ANK3: variants seen among roughly 807,000 people sequenced by gnomAD.
ANK3 encodes ankyrin 3.
A neutral mutation model predicts 370.9 loss-of-function variants in ANK3; 57 were observed. That is an observed-to-expected ratio of 0.15 (90% CI 0.12 to 0.19). The LOEUF (loss-of-function observed/expected upper bound fraction) is 0.19, where lower values mean the gene tolerates loss of function less well. Among genes scored for constraint, ANK3 ranks in the 10% least tolerant of loss-of-function variants. The pLI is 1.00. For missense variants in ANK3, 4,439 were observed against 5,302.1 expected (o/e 0.84, Z 5.06); for synonymous variants, 1,929 against 1,946.3 (o/e 0.99, Z 0.23).
In ANK3 at chr10:60,070,081, G is replaced by A. The variant is rs781626727; in HGVS notation, c.10800C>T (p.Pro3600=). ...ACATTTTTCCTTCATGAAATGGGAA[G>A]GGGTTAGGCTCACTAGTTGGGGTAC... ...DESTPTSEPN[P]FPFHEGKMFE... is the part of the protein sequence containing the mutation. The change falls in exon 37 of 44, where the codon CCC becomes CCT. Residue 3600 remains proline (P), a synonymous_variant. Transcript: ENST00000280772. The surrounding 1 kb of genome is among the most constrained non-coding windows in gnomAD (Gnocchi z 5.7). 12 of 1,614,020 alleles carry A rather than the reference G, an allele frequency of 7.4e-6. No homozygotes were observed. Among genetic ancestry groups the A allele is most frequent in the Non-Finnish European group, 1.0e-5 (12 of 1,180,008 alleles).
At chr10:60,198,682 C>T (rs1465623298) in intron 13 of ANK3, 145 bp from the exon 14 acceptor site, 1 of 687,180 alleles carries the variant, frequency 1.5e-6, no homozygotes, top group African/African-American at 1.8e-5. Context: ...TTGTCTTTTT[C>T]TTCAATGCTC....
intron 2 of ANK3, among the ~76,000 whole-genome samples, chr10:60,558,346 A>T (rs116277179): frequency 6.6e-6 from 1 of 152,206 alleles, no homozygotes; most frequent in Non-Finnish European, 1.5e-5. Flanking sequence ...GATTGTAACA[A>T]CTTGAAGTAG....
At chr10:60,609,397 C>T (rs1358912862) in intron 2 of ANK3, among the ~76,000 whole-genome samples, 1 of 152,242 alleles carries the variant, frequency 6.6e-6, no homozygotes, top group Non-Finnish European at 1.5e-5. Flanking sequence ...GTTAGGACCA[C>T]AACTTCCATC....
At chr10:60,202,683 G>C (rs10994252) in intron 12 of ANK3, among the ~76,000 whole-genome samples, 17,983 of 152,180 alleles carry the variant, frequency 0.12, 1,305 homozygotes, top group East Asian at 0.29. Flanking sequence ...AGCGCAGGAG[G>C]ATTGCTTGAA....
chr10:60,047,100 C>A (rs1244862542), intron 42 of ANK3, among the ~76,000 whole-genome samples: 4 of 152,192 alleles, frequency 2.6e-5, no homozygotes, highest in Admixed American at 2.6e-4. Context: ...AGCCACCGCG[C>A]CCGGCCTCAA....
At chr10:60,660,924 A>T (rs992471514) in intron 1 of ANK3, among the ~76,000 whole-genome samples, 1 of 152,036 alleles carries the variant, frequency 6.6e-6, no homozygotes, top group Non-Finnish European at 1.5e-5. Flanking sequence ...ACACTCACAC[A>T]CACACACACA....
intron 18 of ANK3, 142 bp downstream of exon 18, chr10:60,181,187 C>T (rs1461971881): frequency 1.2e-6 from 1 of 836,884 alleles, no homozygotes; most frequent in Non-Finnish European, 1.9e-6. Flanking sequence ...TTTAGTGTCC[C>T]TTGCATAAAT....
At chr10:60,477,192 C>A (rs1393115393) in intron 2 of ANK3, among the ~76,000 whole-genome samples, 1 of 151,896 alleles carries the variant, frequency 6.6e-6, no homozygotes, top group African/African-American at 2.4e-5. Context: ...AAATTAACAT[C>A]TTTCTGGAGA....
At chr10:60,554,214 T>C (rs1373387787) in intron 2 of ANK3, among the ~76,000 whole-genome samples, 4 of 152,198 alleles carry the variant, frequency 2.6e-5, no homozygotes, top group Non-Finnish European at 5.9e-5. Flanking sequence ...TTTTATTTTT[T>C]TCATGTATTA....
At chr10:60,690,353 G>A (rs997874030) in intron 1 of ANK3, among the ~76,000 whole-genome samples, 8 of 152,048 alleles carry the variant, frequency 5.3e-5, no homozygotes, top group East Asian at 1.9e-4. Context: ...TTGACAAGAC[G>A]GTTCCTGGAA....
At chr10:60,285,936 C>A (rs1047617905) in intron 1 of ANK3, among the ~76,000 whole-genome samples, 11 of 152,138 alleles carry the variant, frequency 7.2e-5, no homozygotes, top group African/African-American at 2.7e-4. Flanking sequence ...TCTTCACTCT[C>A]TCCCTCAAAC....
chr10:60,166,657 C>A lies in ANK3; in HGVS notation c.2552-4G>T. The A allele has an allele frequency of 6.2e-7, 1 of 1,613,448 alleles. No homozygotes were observed. The highest frequency in any genetic ancestry group is 8.5e-7 in the Non-Finnish European group (1 of 1,179,542). On this transcript the variant is annotated splice_region_variant and splice_polypyrimidine_tract_variant and intron_variant, in intron 22 of 43. Transcript: ENST00000280772. ...TCAGGGGCATTGGCTTTACGAACTG[C>A]ATGATTGAAGTGAACAATATAAGTG...
chr10:60,562,992 T>C (rs755448150), intron 2 of ANK3, among the ~76,000 whole-genome samples: 1 of 152,132 alleles, frequency 6.6e-6, no homozygotes, highest in Non-Finnish European at 1.5e-5. Flanking sequence ...TTTCAGAAAA[T>C]ATATACCAGA....
At chr10:60,044,577 A>T (rs1281260527) in intron 42 of ANK3, 1 of 153,024 alleles carries the variant, frequency 6.5e-6, no homozygotes, top group African/African-American at 2.4e-5. Flanking sequence ...AACAGATTCC[A>T]GAAGGAAGAA....
intron 28 of ANK3, among the ~76,000 whole-genome samples, chr10:60,091,327 C>A (rs997865344): frequency 6.6e-6 from 1 of 152,152 alleles, no homozygotes; most frequent in Non-Finnish European, 1.5e-5. Context: ...AGAATGATTC[C>A]AATTCATTCA....
At chr10:60,626,495 C>T (rs530456113) in intron 1 of ANK3, among the ~76,000 whole-genome samples, 70 of 152,132 alleles carry the variant, frequency 4.6e-4, no homozygotes, top group Middle Eastern at 3.4e-3. Flanking sequence ...TGGTTTATGC[C>T]TATGTTCATA....
At chr10:60,093,637 G>A (rs1461962092) in intron 28 of ANK3, among the ~76,000 whole-genome samples, 1 of 152,198 alleles carries the variant, frequency 6.6e-6, no homozygotes, top group African/African-American at 2.4e-5. Context: ...CGAAAACGAT[G>A]ACAGCACTGA....
intron 1 of ANK3, among the ~76,000 whole-genome samples, chr10:60,627,664 C>A (rs1020836296): frequency 6.6e-6 from 1 of 152,114 alleles, no homozygotes; most frequent in Admixed American, 6.6e-5. Flanking sequence ...ATGAATTAAT[C>A]TTTTATGTGG....
chr10:60,051,964 T>G lies in ANK3; in HGVS notation c.13065+3694A>C, dbSNP rs1412712155. The stretch of plus-strand genomic sequence containing the variant: ...GTGTATACCCTTGTAAATTGGGCCA[T>G]ATTTCATTTGATCTACAGAAAGAGG... On this transcript the variant is annotated intron_variant, in intron 42 of 43. Coordinates refer to ENST00000280772, the MANE Select transcript of ANK3 (RefSeq NM_020987.5). Among the ~76,000 whole-genome samples the G allele has an allele frequency of 2.0e-5, 3 of 152,200 alleles. No individual in the cohort carries two copies. In the East Asian group the frequency reaches 5.8e-4, roughly 29 times the overall value.
Sources: gnomAD v4.1 joint callset for allele counts (sites outside exome capture counted in the v4.1 genomes callset) on GRCh38, gnomAD v4.1.1 for gene constraint, Gnocchi (gnomAD v3.1) non-coding constraint, MANE v1.5 for transcripts, NCBI Gene and HGNC (gene_info 2026-07-23, HGNC 2026-07-21) for gene names.